The following ZMAT1 variants were observed in gnomAD, a reference collection of about 807,000 sequenced individuals.
The protein encoded by ZMAT1 is zinc finger matrin-type protein 1.
Under a neutral mutation model 18.5 loss-of-function variants are expected in ZMAT1, and 11 were observed. The observed-to-expected ratio is 0.59, with a 90% CI of 0.37 to 0.98. The LOEUF is 0.98. Among genes scored for constraint, ZMAT1 ranks in the 50% least tolerant of loss-of-function variants. ZMAT1 has a pLI of 0.01. For missense variants in ZMAT1, 525 were observed against 496.2 expected (o/e 1.06, Z -0.55); for synonymous variants, 211 against 176.4 (o/e 1.20, Z -1.55).
At chrX:101,890,114 T>A (rs1734055757) in intron 4 of ZMAT1, 1 of 111,845 alleles carries the variant, frequency 8.9e-6, no homozygotes, top group South Asian at 3.7e-4. Context: ...GAATCTGCGG[T>A]GCAACTTGGC....
intron 1 of ZMAT1, among the ~76,000 whole-genome samples, chrX:101,910,928 A>G (rs1928920881): frequency 9.0e-6 from 1 of 111,557 alleles, no homozygotes. Flanking sequence ...GTACAAGAAC[A>G]TTATAGAACA....
intron 1 of ZMAT1, among the ~76,000 whole-genome samples, chrX:101,909,660 C>T (rs902638677): frequency 8.9e-6 from 1 of 112,239 alleles, no homozygotes; most frequent in Non-Finnish European, 1.9e-5. Flanking sequence ...CAGGGGTGGC[C>T]GTGGCTATGG....
intron 2 of ZMAT1, among the ~76,000 whole-genome samples, chrX:101,899,938 C>G (rs757678130): frequency 8.9e-6 from 1 of 111,771 alleles, no homozygotes; most frequent in East Asian, 2.8e-4. Flanking sequence ...AGAAGTGTTC[C>G]CTGTTCACCA....
Position 101,883,744 on chromosome X carries a change from C to T in ZMAT1, c.1854G>A (p.Arg618=). The change falls in exon 6 of 6, where the codon AGG becomes AGA. Residue 618 remains arginine, a synonymous_variant. Transcript: ENST00000651725. ...AATCTGTATCTTCATAACTCTTTTT[C>T]CTTTTATGCTTGGACTGCTCTTTCT... The part of the protein sequence containing the change: ...RPEKEQSKHK[R]KKSYEDTDLD... The T allele has an allele frequency of 8.3e-7, 1 of 1,205,769 alleles. No individual in the cohort carries two copies. Among genetic ancestry groups the T allele is most frequent in the African/African-American group, 1.8e-5 (1 of 56,856 alleles).
At chrX:101,917,738 A>C (rs762878832) in intron 1 of ZMAT1, among the ~76,000 whole-genome samples, 1 of 112,773 alleles carries the variant, frequency 8.9e-6, no homozygotes, top group African/African-American at 3.2e-5. Flanking sequence ...CTGCACTGCT[A>C]TATTTGTTGC....
In ZMAT1 at chrX:101,883,800, G is replaced by T; in HGVS notation, c.1798C>A (p.Arg600=). The T allele has an allele frequency of 3.3e-6, 4 of 1,208,670 alleles. No individual in the cohort carries two copies. Among genetic ancestry groups the T allele is most frequent in the Non-Finnish European group, 4.5e-6 (4 of 894,525 alleles). The change falls in exon 6 of 6, where the codon CGA becomes AGA. Residue 600 remains arginine (R), a synonymous_variant. Coordinates refer to ENST00000651725, the MANE Select transcript of ZMAT1 (RefSeq NM_001394560.1). ...GHKRKHQKRK[R]HLEEGKERPE... is the part of the protein sequence containing the mutation. ...CTTTCTTTGCCTTCTTCTAGGTGTC[G>T]TTTTCTCTTCTGATGTTTCCGTTTA...
At chrX:101,910,760 T>A (rs1360237487) in intron 1 of ZMAT1, among the ~76,000 whole-genome samples, 3 of 110,777 alleles carry the variant, frequency 2.7e-5, no homozygotes, top group African/African-American at 9.9e-5. Flanking sequence ...TAAAAAACAA[T>A]GACACACACC....
chrX:101,891,968 G>A (rs771844662), intron 4 of ZMAT1, among the ~76,000 whole-genome samples: 1 of 111,426 alleles, frequency 9.0e-6, no homozygotes, highest in East Asian at 2.8e-4. Context: ...AGGGTTACAG[G>A]AGGATTTAGT....
At chrX:101,924,366 C>T (rs998684341) in intron 1 of ZMAT1, among the ~76,000 whole-genome samples, 2 of 112,086 alleles carry the variant, frequency 1.8e-5, no homozygotes, top group African/African-American at 6.5e-5. Context: ...CTCATCTCGG[C>T]CTCCCAAAGT....
intron 4 of ZMAT1, among the ~76,000 whole-genome samples, chrX:101,896,908 A>T (rs1181093118): frequency 1.8e-5 from 2 of 110,498 alleles, no homozygotes; most frequent in Admixed American, 9.7e-5. Context: ...TCAGGATTTA[A>T]CATAAAATAA....
At chrX:101,929,447 A>AGAT (rs1930320722) in intron 1 of ZMAT1, among the ~76,000 whole-genome samples, 1 of 86,576 alleles carries the variant, frequency 1.2e-5, no homozygotes, top group African/African-American at 4.9e-5. Context: ...ATATATATAT[A>AGAT]TATATATATA....
intron 1 of ZMAT1, among the ~76,000 whole-genome samples, chrX:101,920,138 A>G (rs895403309): frequency 1.8e-5 from 2 of 108,323 alleles, no homozygotes; most frequent in Admixed American, 2.0e-4. Flanking sequence ...CTCCTGGGCT[A>G]AGCGATTCTC....
rs1352563642 is a variant in ZMAT1 at position 101,898,177 on chromosome X, T to A, written c.443A>T (p.His148Leu). 2 of 1,211,173 alleles carry A rather than the reference T, an allele frequency of 1.7e-6. No homozygotes were observed. The highest frequency in any genetic ancestry group is 2.2e-6 in the Non-Finnish European group (2 of 895,154). ...ACCAGGCACTTCATTTTGTTCCCCA[T>A]GCATTTGAAAATAAAAACTAACATT... ...AQNVSFYFQMHGEQNEVPGKK... is the reference protein window; with the variant it reads ...AQNVSFYFQMLGEQNEVPGKK... Residue 148 changes from histidine to leucine, a missense_variant, in exon 3 of 6, where the codon CAT (histidine) becomes CTT (leucine). Physicochemically the swap from His to Leu is moderately conservative, Grantham distance 99 (BLOSUM62 -3). Transcript: ENST00000651725.
At chrX:101,926,040 T>C (rs371773340) in intron 1 of ZMAT1, among the ~76,000 whole-genome samples, 18 of 112,000 alleles carry the variant, frequency 1.6e-4, no homozygotes, top group East Asian at 5.6e-4. Flanking sequence ...AGAGAGGTAA[T>C]AGGAATTAAA....
Position 101,911,756 on chromosome X carries a change from C to T in ZMAT1, c.293-7426G>A, listed in dbSNP as rs952941317. ...AGGAGAGAAACCCTATGAATGTAACCAGTGTGGCAGAGCCTTCGGCCAGAG... is the reference window on the plus strand; with the variant it reads ...AGGAGAGAAACCCTATGAATGTAACTAGTGTGGCAGAGCCTTCGGCCAGAG... On this transcript the variant is annotated intron_variant, in intron 1 of 5. Coordinates refer to ENST00000651725, the MANE Select transcript of ZMAT1 (RefSeq NM_001394560.1). 29 of 1,207,381 alleles carry T rather than the reference C, an allele frequency of 2.4e-5. 1 individual carries two copies. In the African/African-American group the frequency reaches 4.6e-4, roughly 19 times the overall value.
chrX:101,908,652 C>T (rs1424750415), intron 1 of ZMAT1, among the ~76,000 whole-genome samples: 1 of 111,511 alleles, frequency 9.0e-6, no homozygotes, highest in African/African-American at 3.3e-5. Flanking sequence ...CCTGTTAGAG[C>T]AGAAAGGAAA....
rs1359462359 is a variant in ZMAT1 at position 101,901,188 on chromosome X, T to A, written c.400-2968A>T. Among the ~76,000 whole-genome samples the A allele has an allele frequency of 9.0e-5, 10 of 111,644 alleles. 1 individual carries two copies. The highest frequency in any genetic ancestry group is 1.7e-4 in the Non-Finnish European group (9 of 53,109). On this transcript the variant is annotated intron_variant, in intron 2 of 5. Coordinates refer to ENST00000651725, the MANE Select transcript of ZMAT1 (RefSeq NM_001394560.1). ...CCAGAAACTTTGCTGAATTCTTTTA[T>A]CAGTTCTAGGGGCTTTCTGGAGGAG...
In ZMAT1 at chrX:101,884,295, G is replaced by A; in HGVS notation, c.1303C>T (p.Pro435Ser). Residue 435 changes from proline to serine, a missense_variant, in exon 6 of 6, where the codon CCT becomes TCT. Physicochemically the swap from Pro to Ser is moderately conservative, Grantham distance 74 (BLOSUM62 -1). Transcript: ENST00000651725. ...TTTGAATGGGTTGGTAGCCACTGAG[G>A]TAACTGGCTTTCCACTGGTGAAATA... ...YHISPVESQLPQWLPTHSKRT... is the reference protein window; with the variant it reads ...YHISPVESQLSQWLPTHSKRT... The A allele has an allele frequency of 8.3e-7, 1 of 1,209,897 alleles. No individual in the cohort carries two copies. The highest frequency in any genetic ancestry group is 2.2e-5 in the Admixed American group (1 of 45,805).
At chrX:101,884,913 C>T (rs375316195) in intron 5 of ZMAT1, 92 bp from the exon 6 acceptor site, 1 of 544,545 alleles carries the variant, frequency 1.8e-6, no homozygotes, top group Non-Finnish European at 2.7e-6. Context: ...AAAACAAAAA[C>T]AACAAATTTA....
Sources: gnomAD v4.1 joint callset for allele counts (sites outside exome capture counted in the v4.1 genomes callset) on GRCh38, gnomAD v4.1.1 for gene constraint, MANE v1.5 for transcripts, NCBI Gene and HGNC (gene_info 2026-07-23, HGNC 2026-07-21) for gene names.